Variants in TJP2 observed in about 807,000 individuals in gnomAD.
TJP2 encodes the protein tight junction protein 2.
A neutral mutation model predicts 133.1 loss-of-function variants in TJP2; 91 were observed. The ratio of observed to expected loss-of-function variants is 0.68; its 90% confidence interval spans 0.58 to 0.81. TJP2 has a LOEUF of 0.81. TJP2 is among the 40% of genes least tolerant of loss of function. The pLI is 0.00. For synonymous variants in TJP2, 592 were observed against 583.4 expected (o/e 1.01, Z -0.21); for missense variants, 1,541 against 1,565.6 (o/e 0.98, Z 0.26).
chr9:69,220,816 T>C, intron 4 of TJP2, 71 bp from the exon 5 acceptor site: 3 of 1,480,428 alleles, frequency 2.0e-6, no homozygotes, highest in Admixed American at 3.4e-5. Context: ...GAACCAGGGC[T>C]CTTAACCACT....
At chr9:69,234,591 G>GC in intron 12 of TJP2, 44 bp downstream of exon 12, 1 of 572,870 alleles carries the variant, frequency 1.7e-6, no homozygotes, top group Non-Finnish European at 3.4e-6. Flanking sequence ...TGGGGGTGGG[G>GC]AGTGGGAAGG....
chr9:69,171,380 C>A (rs1395389977), upstream of TJP2, among the ~76,000 whole-genome samples: 2 of 152,162 alleles, frequency 1.3e-5, no homozygotes, highest in Non-Finnish European at 2.9e-5. Context: ...TACTAACATT[C>A]TCCTCCCCCA....
intron 1 of TJP2, among the ~76,000 whole-genome samples, chr9:69,136,213 A>G (rs1232322174): frequency 6.6e-6 from 1 of 152,180 alleles, no homozygotes; most frequent in East Asian, 1.9e-4. Flanking sequence ...TGAACTGCTG[A>G]CAAAAAAATA....
intron 11 of TJP2, among the ~76,000 whole-genome samples, chr9:69,232,045 A>G (rs942496514): frequency 6.6e-6 from 1 of 152,226 alleles, no homozygotes; most frequent in East Asian, 1.9e-4. Context: ...CTTGGCAGTC[A>G]GACCTCTCTG....
At chr9:69,143,110 ATTCT>A (rs891865293) in intron 1 of TJP2, among the ~76,000 whole-genome samples, 4 of 152,244 alleles carry the variant, frequency 2.6e-5, no homozygotes, top group East Asian at 1.9e-4. Flanking sequence ...AGAAAAGCAA[ATTCT>A]TTCTAATATT....
At chr9:69,169,932 C>G (rs920899572), upstream of TJP2, among the ~76,000 whole-genome samples, 5 of 152,090 alleles carry the variant, frequency 3.3e-5, no homozygotes, top group Non-Finnish European at 7.3e-5. Flanking sequence ...GCCTCAAATT[C>G]CTGGGCTCAA....
At chr9:69,192,289 G>GA (rs553272202) in intron 1 of TJP2, among the ~76,000 whole-genome samples, 189 of 146,794 alleles carry the variant, frequency 1.3e-3, no homozygotes, top group African/African-American at 4.0e-3. Flanking sequence ...ATCAAAAAAA[G>GA]AAAAAAAAAA....
chr9:69,186,935 G>GATTTT lies in TJP2; in HGVS notation c.60+12503_60+12504insATTTT, dbSNP rs1825897542. On this transcript the variant is annotated intron_variant, in intron 1 of 22. Transcript: ENST00000377245. ...ACAATCAGGAATTTGTTAGTCACCT[G>GATTTT]GTTTTTAAAGATAAATTTCTCTGTG... Among the ~76,000 whole-genome samples the GATTTT allele has an allele frequency of 3.3e-5, 5 of 152,206 alleles. No homozygotes were observed. The South Asian group carries it at 1.0e-3, about 32-fold the overall frequency.
At chr9:69,165,214 A>G (rs944492452) in intron 2 of TJP2, among the ~76,000 whole-genome samples, 2 of 152,086 alleles carry the variant, frequency 1.3e-5, no homozygotes, top group African/African-American at 4.8e-5. Context: ...TGCAGCCTCA[A>G]CCTCTTGGAC....
In TJP2 at chr9:69,230,102, G is replaced by A; in HGVS notation, c.1541G>A (p.Arg514Lys). 2.5e-6 allele frequency: 4 copies of A among 1,614,198 alleles called. No individual in the cohort carries two copies. Among genetic ancestry groups the A allele is most frequent in the Non-Finnish European group, 3.4e-6 (4 of 1,180,030 alleles). ...TGCAGCCCTAATACCAAAATGGTAA[G>A]GTTCAAGAAGGGAGACAGCGTGGGC... ...AIYGPNTKMV[R>K]FKKGDSVGLR... The change falls in exon 11 of 23, where the codon AGG becomes AAG. Residue 514 changes from arginine (R) to lysine (K), a missense_variant. Arg to Lys is a conservative substitution (Grantham distance 26). Coordinates refer to ENST00000377245, the MANE Select transcript of TJP2 (RefSeq NM_004817.4).
Position 69,226,007 on chromosome 9 carries a change from T to A in TJP2, c.1057-15T>A. 6.2e-7 allele frequency: 1 copy of A among 1,613,916 alleles called. No homozygotes were observed. The highest frequency in any genetic ancestry group is 8.5e-7 in the Non-Finnish European group (1 of 1,179,842). On this transcript the variant is annotated splice_polypyrimidine_tract_variant and intron_variant, in intron 6 of 22. Transcript: ENST00000377245. The stretch of plus-strand genomic sequence containing the variant: ...ATTTTATTGCATTTAACATTACCAT[T>A]TTTTATAAACACAGATCAATGGGAC...
chr9:69,225,229 A>G, intron 5 of TJP2, 75 bp from the exon 6 acceptor site: 4 of 924,980 alleles, frequency 4.3e-6, no homozygotes, highest in Non-Finnish European at 7.0e-6. Context: ...ATATTTTAAA[A>G]TAGTCCTATA....
chr9:69,212,830 G>A (rs1393187938), intron 2 of TJP2, among the ~76,000 whole-genome samples: 1 of 152,110 alleles, frequency 6.6e-6, no homozygotes, highest in Non-Finnish European at 1.5e-5. Context: ...GTTATTTAGT[G>A]TATACTCTTA....
upstream of TJP2, chr9:69,121,287 C>A: frequency 1.0e-6 from 1 of 985,480 alleles, no homozygotes; most frequent in Non-Finnish European, 1.2e-6. Flanking sequence ...TTTCCCGACA[C>A]CCCAAAGTAG....
At position 69,235,295 on chromosome 9, in the gene TJP2, TTTTATTTA is replaced by T. The variant is rs929800157; in HGVS notation, c.1781-706_1781-699del. On this transcript the variant is annotated intron_variant, in intron 12 of 22. Transcript: ENST00000377245. ...CAGGAAGAGTAGTTTCCTCCTAATT[TTTTATTTA>T]TTTATTTATTTATTTATTTATTTAT... is the stretch of plus-strand genomic sequence containing the variant. 9.2e-3 allele frequency among the ~76,000 whole-genome samples: 1,048 copies of T among 113,428 alleles called. 7 individuals carry two copies. The highest frequency in any genetic ancestry group is 0.014 in the Non-Finnish European group (715 of 52,684). 74.4% of individuals were successfully genotyped at this position (113,428 alleles called of 152,430 possible).
intron 1 of TJP2, among the ~76,000 whole-genome samples, chr9:69,196,837 C>A (rs1038088480): frequency 1.3e-5 from 2 of 151,902 alleles, no homozygotes; most frequent in African/African-American, 4.8e-5. Flanking sequence ...TGTGGATTTG[C>A]CCCTCCTTGA....
intron 1 of TJP2, among the ~76,000 whole-genome samples, chr9:69,187,896 G>T (rs3002379): frequency 0.46 from 70,593 of 151,986 alleles, 16,644 homozygotes; most frequent in South Asian, 0.53. Context: ...TCACACTGGG[G>T]GTGTATTCTC....
chr9:69,183,952 C>G (rs1234235179), intron 1 of TJP2, among the ~76,000 whole-genome samples: 4 of 152,122 alleles, frequency 2.6e-5, no homozygotes, highest in Admixed American at 2.6e-4. Context: ...TGAGTTCAAG[C>G]AGTCTGCCCA....
At chr9:69,215,061 T>G (rs1828254932) in intron 2 of TJP2, among the ~76,000 whole-genome samples, 1 of 152,118 alleles carries the variant, frequency 6.6e-6, no homozygotes, top group Non-Finnish European at 1.5e-5. Context: ...AAATTAATGC[T>G]GAAACAGAAA....
Sources: gnomAD v4.1 joint callset for allele counts (sites outside exome capture counted in the v4.1 genomes callset) on GRCh38, gnomAD v4.1.1 for gene constraint, MANE v1.5 for transcripts, NCBI Gene and HGNC (gene_info 2026-07-23, HGNC 2026-07-21) for gene names.